Variants in HIVEP2 observed in about 807,000 individuals in gnomAD.
The protein encoded by HIVEP2 is HIVEP zinc finger 2, also known as transcription factor HIVEP2.
In HIVEP2, 14 loss-of-function variants were observed where a neutral mutation model predicts 180.7. That is an observed-to-expected ratio of 0.08 (90% confidence interval 0.05 to 0.12). The LOEUF is 0.12. Among genes scored for constraint, HIVEP2 ranks in the 10% least tolerant of loss-of-function variants. The pLI is 1.00. For missense variants in HIVEP2, 2,579 were observed against 3,008.5 expected (o/e 0.86, Z 3.34); for synonymous variants, 1,184 against 1,136.4 (o/e 1.04, Z -0.84).
chr6:142,856,752 T>G (rs1562266458), intron 1 of HIVEP2, among the ~76,000 whole-genome samples: 1 of 152,240 alleles, frequency 6.6e-6, no homozygotes, highest in South Asian at 2.1e-4. Context: ...TTCAAAAGTC[T>G]AATGCCCCTT....
intron 2 of HIVEP2, among the ~76,000 whole-genome samples, chr6:142,785,326 A>G (rs1003495672): frequency 7.0e-6 from 1 of 142,806 alleles, no homozygotes; most frequent in Admixed American, 6.9e-5. Context: ...AAAAAAAAAA[A>G]AAAAAAAAAA....
chr6:142,895,631 T>G (rs1291593932), intron 1 of HIVEP2, among the ~76,000 whole-genome samples: 1 of 152,210 alleles, frequency 6.6e-6, no homozygotes, highest in Non-Finnish European at 1.5e-5. Context: ...TGTGCTAGTT[T>G]TATAAAAACA....
intron 2 of HIVEP2, among the ~76,000 whole-genome samples, chr6:142,799,375 G>A (rs1176544314): frequency 6.6e-6 from 1 of 152,042 alleles, no homozygotes; most frequent in Non-Finnish European, 1.5e-5. Flanking sequence ...GCTATCTATG[G>A]TAACACCTAG....
chr6:142,775,743 G>A (rs975013296), intron 4 of HIVEP2, among the ~76,000 whole-genome samples: 4 of 151,878 alleles, frequency 2.6e-5, no homozygotes, highest in Non-Finnish European at 4.4e-5. Flanking sequence ...GCTAAGGGAG[G>A]GGAATTGCTT....
chr6:142,934,319 A>G (rs1778004556), intron 1 of HIVEP2, among the ~76,000 whole-genome samples: 3 of 152,246 alleles, frequency 2.0e-5, no homozygotes, highest in Admixed American at 1.3e-4. Flanking sequence ...ATAATGAAAT[A>G]TAACAGAGGT....
chr6:142,775,709 C>T (rs1455075549), intron 4 of HIVEP2, among the ~76,000 whole-genome samples: 1 of 151,874 alleles, frequency 6.6e-6, no homozygotes. Context: ...GTGGCATGCA[C>T]CTGTAGTCCC....
chr6:142,835,468 T>C (rs1012903864), intron 2 of HIVEP2, among the ~76,000 whole-genome samples: 12 of 152,106 alleles, frequency 7.9e-5, no homozygotes, highest in African/African-American at 2.9e-4. Context: ...AAATTAAATG[T>C]TGCAAATAAA....
chr6:142,790,343 C>A (rs1776108069), intron 2 of HIVEP2, among the ~76,000 whole-genome samples: 1 of 152,140 alleles, frequency 6.6e-6, no homozygotes, highest in Non-Finnish European at 1.5e-5. Context: ...TACATTTTCC[C>A]ATTTTTATTT....
intron 1 of HIVEP2, among the ~76,000 whole-genome samples, chr6:142,899,134 G>C (rs1006199642): frequency 6.6e-6 from 1 of 152,122 alleles, no homozygotes; most frequent in Non-Finnish European, 1.5e-5. Context: ...CTTCCTTTGT[G>C]ACTCTACTCC....
At position 142,760,388 on chromosome 6, in the gene HIVEP2, G is replaced by A. The variant is rs756560364; in HGVS notation, c.5900C>T (p.Ser1967Leu). Residue 1967 changes from serine to leucine, a missense_variant, in exon 9 of 10, where the codon TCG becomes TTG. Physicochemically the swap from Ser to Leu is moderately radical, Grantham distance 145 (BLOSUM62 -2). Coordinates refer to ENST00000367603, the MANE Select transcript of HIVEP2 (RefSeq NM_006734.4). ...VPSDSSLGHS[S>L]LISYLVTLPS... ...CAAAGTAACCAAATAGCTGATCAACGAAGAATGTCCCAGGGAACTATCTGA... is the reference window on the plus strand; with the variant it reads ...CAAAGTAACCAAATAGCTGATCAACAAAGAATGTCCCAGGGAACTATCTGA... 1.2e-6 allele frequency: 2 copies of A among 1,614,050 alleles called. No homozygotes were observed. The highest frequency in any genetic ancestry group is 1.7e-6 in the Non-Finnish European group (2 of 1,180,026).
rs571495133 is a variant in HIVEP2, at chr6:142,924,916, T to C, written c.-641+20183A>G. On this transcript the variant is annotated intron_variant, in intron 1 of 9. Coordinates refer to ENST00000367603, the MANE Select transcript of HIVEP2 (RefSeq NM_006734.4). ...ATGCTGCATCAAAACTGGGGATTAT[T>C]GTTCATACAAATCTGGAGTAACTGG... 3.3e-5 allele frequency among the ~76,000 whole-genome samples: 5 copies of C among 152,352 alleles called. No individual in the cohort carries two copies. In the East Asian group the frequency reaches 9.6e-4, roughly 29 times the overall value.
intron 1 of HIVEP2, among the ~76,000 whole-genome samples, chr6:142,848,047 C>T (rs1373908988): frequency 6.6e-6 from 1 of 152,172 alleles, no homozygotes; most frequent in Admixed American, 6.5e-5. Context: ...TTATATTTAA[C>T]ATTAACAACG....
chr6:142,794,321 A>G (rs992097655), intron 2 of HIVEP2, among the ~76,000 whole-genome samples: 2 of 152,234 alleles, frequency 1.3e-5, no homozygotes, highest in African/African-American at 2.4e-5. Context: ...AAATAAGGCA[A>G]TAAATGTAAC....
At chr6:142,765,728 T>A (rs554824712) in intron 6 of HIVEP2, among the ~76,000 whole-genome samples, 1 of 152,342 alleles carries the variant, frequency 6.6e-6, no homozygotes, top group Admixed American at 6.5e-5. Flanking sequence ...ATATCTGAGG[T>A]CATCTTGCTT....
chr6:142,764,795 G>A lies in HIVEP2; in HGVS notation c.5518+4C>T. On this transcript the variant is annotated splice_donor_region_variant and intron_variant, in intron 7 of 9. Coordinates refer to ENST00000367603, the MANE Select transcript of HIVEP2 (RefSeq NM_006734.4). ...TTTTCCTCTCAAAAAAATCAGACTT[G>A]TACCTTTCGTTTTGAAGGCAAAGTT... 1 of 1,612,070 alleles carries A rather than the reference G, an allele frequency of 6.2e-7. No homozygotes were observed. The highest frequency in any genetic ancestry group is 8.5e-7 in the Non-Finnish European group (1 of 1,178,892).
chr6:142,925,071 A>G (rs574217331), intron 1 of HIVEP2, among the ~76,000 whole-genome samples: 56 of 152,234 alleles, frequency 3.7e-4, no homozygotes, highest in Non-Finnish European at 7.6e-4. Flanking sequence ...GAGTAAACAG[A>G]TAGAATGCAG....
intron 1 of HIVEP2, among the ~76,000 whole-genome samples, chr6:142,901,416 G>A (rs1325094261): frequency 6.6e-6 from 1 of 152,048 alleles, no homozygotes; most frequent in African/African-American, 2.4e-5. Context: ...TATCTAGAAC[G>A]CTTTTGCAAA....
rs372037001 is a variant in HIVEP2, at chr6:142,877,925, T to C, written c.-640-40878A>G. Reference sequence around the variant, plus strand: ...GATCGTGGAAATGCAAGTGAAAGAATGCAAAGGCAAAATTTCCAAACAAGT... The same window carrying C: ...GATCGTGGAAATGCAAGTGAAAGAACGCAAAGGCAAAATTTCCAAACAAGT... On this transcript the variant is annotated intron_variant, in intron 1 of 9. Transcript: ENST00000367603. Among the ~76,000 whole-genome samples the C allele has an allele frequency of 2.0e-5, 3 of 152,328 alleles. No homozygotes were observed. The South Asian group carries it at 6.2e-4, about 32-fold the overall frequency.
intron 2 of HIVEP2, among the ~76,000 whole-genome samples, chr6:142,813,815 C>G (rs1207277490): frequency 6.6e-6 from 1 of 151,928 alleles, no homozygotes; most frequent in Non-Finnish European, 1.5e-5. Context: ...ATCCTTCTGC[C>G]TCAGCCTCCC....
Sources: gnomAD v4.1 joint callset for allele counts (sites outside exome capture counted in the v4.1 genomes callset) on GRCh38, gnomAD v4.1.1 for gene constraint, MANE v1.5 for transcripts, NCBI Gene and HGNC (gene_info 2026-07-23, HGNC 2026-07-21) for gene names.